KIF26B: variants seen among roughly 807,000 people sequenced by gnomAD.
KIF26B encodes the protein kinesin family member 26B.
KIF26B carries 63 observed loss-of-function variants against 151.2 expected under a neutral mutation model. The ratio of observed to expected loss-of-function variants is 0.42; its 90% CI spans 0.34 to 0.51. The LOEUF is 0.51. KIF26B is among the 20% of genes least tolerant of loss of function. The pLI is 0.07. For missense variants in KIF26B, 2,813 were observed against 2,913.6 expected (o/e 0.97, Z 0.79); for synonymous variants, 1,357 against 1,262.1 (o/e 1.08, Z -1.59).
chr1:245,431,701 A>T (rs528311397), intron 4 of KIF26B, among the ~76,000 whole-genome samples: 2 of 151,626 alleles, frequency 1.3e-5, no homozygotes, highest in East Asian at 3.9e-4. Context: ...CTGGTCTTGA[A>T]CTCCTGACCT....
intron 4 of KIF26B, among the ~76,000 whole-genome samples, chr1:245,505,181 G>T (rs545771939): frequency 1.3e-5 from 2 of 149,562 alleles, no homozygotes; most frequent in South Asian, 4.3e-4. Flanking sequence ...CAAGTGATCC[G>T]CCTGCCTTGG....
At chr1:245,309,322 T>C (rs1671620348) in intron 2 of KIF26B, among the ~76,000 whole-genome samples, 1 of 152,218 alleles carries the variant, frequency 6.6e-6, no homozygotes, top group African/African-American at 2.4e-5. Context: ...CCCTCACTGG[T>C]GCAGGTGAGT....
At chr1:245,267,902 T>C (rs1353003888) in intron 2 of KIF26B, among the ~76,000 whole-genome samples, 1 of 152,196 alleles carries the variant, frequency 6.6e-6, no homozygotes, top group Non-Finnish European at 1.5e-5. Flanking sequence ...CTGATGCTGG[T>C]TGTCTGGGTA....
At chr1:245,657,450 G>T (rs1426367865) in intron 10 of KIF26B, among the ~76,000 whole-genome samples, 1 of 152,140 alleles carries the variant, frequency 6.6e-6, no homozygotes, top group African/African-American at 2.4e-5. Context: ...GTGAAGACGG[G>T]ATTTTTGTTT....
chr1:245,637,053 A>G (rs1385204002), intron 9 of KIF26B, among the ~76,000 whole-genome samples: 1 of 152,148 alleles, frequency 6.6e-6, no homozygotes, highest in Non-Finnish European at 1.5e-5. Flanking sequence ...TTGCTGGATC[A>G]TACAGTAGTT....
At chr1:245,556,912 C>G (rs1002221022) in intron 5 of KIF26B, among the ~76,000 whole-genome samples, 1 of 152,136 alleles carries the variant, frequency 6.6e-6, no homozygotes, top group Non-Finnish European at 1.5e-5. Context: ...CACAGTCATC[C>G]CATTTTCCCA....
At chr1:245,665,459 G>C (rs1025672957) in intron 10 of KIF26B, among the ~76,000 whole-genome samples, 2 of 152,128 alleles carry the variant, frequency 1.3e-5, no homozygotes, top group Admixed American at 6.5e-5. Flanking sequence ...AATCCAACTT[G>C]ACAGGCAGCA....
intron 9 of KIF26B, among the ~76,000 whole-genome samples, chr1:245,638,069 A>C (rs182719666): frequency 6.6e-6 from 1 of 152,126 alleles, no homozygotes; most frequent in African/African-American, 2.4e-5. Context: ...TAGGGATTGC[A>C]GTGAATCTGT....
chr1:245,329,700 C>T (rs185943446), intron 2 of KIF26B, among the ~76,000 whole-genome samples: 2 of 152,294 alleles, frequency 1.3e-5, no homozygotes, highest in Admixed American at 1.3e-4. Flanking sequence ...TCATGTGTAC[C>T]TTGAAGGTTT....
At chr1:245,383,075 A>C (rs1269809525) in intron 3 of KIF26B, among the ~76,000 whole-genome samples, 1 of 151,234 alleles carries the variant, frequency 6.6e-6, no homozygotes, top group Non-Finnish European at 1.5e-5. Flanking sequence ...AGAGAGAGGC[A>C]AACTCTGACC....
At chr1:245,224,006 C>A (rs553411347) in intron 2 of KIF26B, among the ~76,000 whole-genome samples, 2 of 152,116 alleles carry the variant, frequency 1.3e-5, no homozygotes, top group Admixed American at 6.5e-5. Flanking sequence ...GTATGATGGC[C>A]GGGTGCAGTG....
At chr1:245,174,437 G>A (rs1268393605) in intron 2 of KIF26B, among the ~76,000 whole-genome samples, 1 of 152,098 alleles carries the variant, frequency 6.6e-6, no homozygotes, top group African/African-American at 2.4e-5. Context: ...AAAAAAAAGA[G>A]AGAGAAGGAC....
intron 2 of KIF26B, among the ~76,000 whole-genome samples, chr1:245,250,107 G>C (rs1032642396): frequency 3.9e-5 from 6 of 152,124 alleles, no homozygotes; most frequent in African/African-American, 1.4e-4. Flanking sequence ...CTTCAGATGT[G>C]TTTTTTAATA....
At chr1:245,348,814 C>T (rs1483663088) in intron 2 of KIF26B, among the ~76,000 whole-genome samples, 2 of 152,166 alleles carry the variant, frequency 1.3e-5, no homozygotes, top group Non-Finnish European at 2.9e-5. Context: ...CCAACTCGCC[C>T]CCACCCAGTC....
At chr1:245,577,692 CGGGCG>C (rs1558222038) in intron 5 of KIF26B, among the ~76,000 whole-genome samples, 4 of 141,662 alleles carry the variant, frequency 2.8e-5, no homozygotes, top group Non-Finnish European at 4.6e-5. Flanking sequence ...TGTGGAACTC[CGGGCG>C]ATGCATCTCC....
intron 10 of KIF26B, among the ~76,000 whole-genome samples, chr1:245,651,349 G>C (rs1479122455): frequency 3.3e-5 from 5 of 152,212 alleles, no homozygotes; most frequent in African/African-American, 1.2e-4. Flanking sequence ...CCAAGAGAGG[G>C]TGGGGTTCTG....
chr1:245,232,551 G>GTTTTTTT (rs58620865), intron 2 of KIF26B, among the ~76,000 whole-genome samples: 1 of 131,792 alleles, frequency 7.6e-6, no homozygotes, highest in East Asian at 2.2e-4. Flanking sequence ...GGTTTCATTT[G>GTTTTTTT]TTTTTTTTTT....
chr1:245,305,810 C>T (rs546048130), intron 2 of KIF26B, among the ~76,000 whole-genome samples: 522 of 151,636 alleles, frequency 3.4e-3, no homozygotes, highest in Non-Finnish European at 6.1e-3. Context: ...TGGTGGCGGG[C>T]GCCTGTAGTC....
chr1:245,229,476 A>T (rs1669947343), intron 2 of KIF26B, among the ~76,000 whole-genome samples: 1 of 152,092 alleles, frequency 6.6e-6, no homozygotes, highest in Non-Finnish European at 1.5e-5. Context: ...CTAACTTTCA[A>T]CTTTGACACA....
Sources: allele counts gnomAD v4.1 joint callset (sites outside exome capture counted in the v4.1 genomes callset), GRCh38; gene constraint gnomAD v4.1.1; transcripts MANE v1.5; gene names NCBI Gene and HGNC (gene_info 2026-07-23, HGNC 2026-07-21).